TMC1: variants seen among roughly 807,000 people sequenced by gnomAD.
TMC1 encodes transmembrane channel like 1.
Under a neutral mutation model 105.8 loss-of-function variants are expected in TMC1, and 84 were observed. That is an observed-to-expected ratio of 0.79 (90% confidence interval 0.67 to 0.95). The LOEUF (loss-of-function observed/expected upper bound fraction) is 0.95, where lower values mean the gene tolerates loss of function less well. Ranked by LOEUF, TMC1 falls within the 40% of genes least tolerant of loss-of-function variation. The pLI is 0.00. For missense variants in TMC1, 817 were observed against 914.1 expected, an observed-to-expected ratio of 0.89 and a Z score of 1.37; for synonymous variants, 315 against 311.5, an observed-to-expected ratio of 1.01 and a Z score of -0.12.
At chr9:72,623,474 G>C (rs1342585535) in intron 3 of TMC1, among the ~76,000 whole-genome samples, 2 of 151,940 alleles carry the variant, frequency 1.3e-5, no homozygotes, top group Non-Finnish European at 2.9e-5. Flanking sequence ...CAGGTCAGTG[G>C]GGACATTAAT....
intron 4 of TMC1, among the ~76,000 whole-genome samples, chr9:72,640,310 G>A (rs1050639816): frequency 2.6e-5 from 4 of 152,166 alleles, no homozygotes; most frequent in African/African-American, 9.7e-5. Flanking sequence ...GTGATGTGGA[G>A]GATAAATTTT....
chr9:72,793,595 AC>A (rs1828313596), intron 17 of TMC1, among the ~76,000 whole-genome samples: 1 of 152,068 alleles, frequency 6.6e-6, no homozygotes, highest in African/African-American at 2.4e-5. Context: ...ACCACCTCCT[AC>A]AGGTGCGTTT....
intron 2 of TMC1, among the ~76,000 whole-genome samples, chr9:72,597,382 G>A (rs1478702604): frequency 6.6e-6 from 1 of 152,162 alleles, no homozygotes; most frequent in South Asian, 2.1e-4. Context: ...GAGTCACAGC[G>A]CCCTCTGACA....
At chr9:72,707,212 A>G (rs1826757095) in intron 8 of TMC1, among the ~76,000 whole-genome samples, 2 of 152,228 alleles carry the variant, frequency 1.3e-5, no homozygotes, top group South Asian at 2.1e-4. Flanking sequence ...TTCTGCTGCT[A>G]TAAACATGCA....
intron 4 of TMC1, among the ~76,000 whole-genome samples, chr9:72,628,927 A>T (rs1825400084): frequency 6.6e-6 from 1 of 152,236 alleles, no homozygotes; most frequent in African/African-American, 2.4e-5. Flanking sequence ...TATTGACTTG[A>T]TGATGCAAAG....
intron 6 of TMC1, among the ~76,000 whole-genome samples, chr9:72,689,106 G>A (rs950815886): frequency 6.6e-6 from 1 of 152,110 alleles, no homozygotes; most frequent in African/African-American, 2.4e-5. Flanking sequence ...TTTATGCTTA[G>A]GTTCAACAAA....
chr9:72,632,303 G>A (rs1211817256), intron 4 of TMC1, among the ~76,000 whole-genome samples: 1 of 152,144 alleles, frequency 6.6e-6, no homozygotes, highest in Non-Finnish European at 1.5e-5. Context: ...ACATTCATGA[G>A]GAATCTGACC....
chr9:72,677,163 C>G (rs1054912337), intron 5 of TMC1, among the ~76,000 whole-genome samples: 1 of 145,994 alleles, frequency 6.8e-6, no homozygotes, highest in Non-Finnish European at 1.5e-5. Flanking sequence ...CACACACACA[C>G]AGGAACTGGT....
At chr9:72,557,892 C>G (rs1310067211) in intron 1 of TMC1, among the ~76,000 whole-genome samples, 2 of 152,048 alleles carry the variant, frequency 1.3e-5, no homozygotes, top group Non-Finnish European at 2.9e-5. Flanking sequence ...TACCTGGAGC[C>G]CAAGTGGATG....
In TMC1 at chr9:72,776,225, T is replaced by C. The variant is rs1229798751; in HGVS notation, c.884+3670T>C. Among the ~76,000 whole-genome samples, 7 of 151,926 alleles carry C rather than the reference T, an allele frequency of 4.6e-5. No homozygotes were observed. The East Asian group carries it at 1.3e-3, about 29-fold the overall frequency. On this transcript the variant is annotated intron_variant, in intron 13 of 23. Transcript: ENST00000297784. Reference sequence around the variant, plus strand: ...AATGGTGTCAAAATTTTTGTCTACATAGACTATAATATAGATTATATATAT... The same window carrying C: ...AATGGTGTCAAAATTTTTGTCTACACAGACTATAATATAGATTATATATAT...
chr9:72,568,004 T>G (rs963979738), intron 1 of TMC1, among the ~76,000 whole-genome samples: 1 of 152,034 alleles, frequency 6.6e-6, no homozygotes, highest in Non-Finnish European at 1.5e-5. Context: ...GTACTGAATT[T>G]GGGACTGAAA....
intron 1 of TMC1, among the ~76,000 whole-genome samples, chr9:72,546,704 CT>C: frequency 6.6e-6 from 1 of 152,296 alleles, no homozygotes; most frequent in Non-Finnish European, 1.5e-5. Context: ...TTTTTCAAAG[CT>C]GTTTCTATCT....
At chr9:72,762,287 G>T (rs1180388228) in intron 12 of TMC1, among the ~76,000 whole-genome samples, 1 of 152,168 alleles carries the variant, frequency 6.6e-6, no homozygotes. Flanking sequence ...GTTGGGGTTT[G>T]TGTGACCTCA....
chr9:72,726,572 C>T (rs898206395), intron 8 of TMC1, among the ~76,000 whole-genome samples: 2 of 152,176 alleles, frequency 1.3e-5, no homozygotes, highest in African/African-American at 4.8e-5. Context: ...TTAGGACAGT[C>T]TTCCATGTCT....
At chr9:72,760,251 G>T (rs75830698) in intron 12 of TMC1, among the ~76,000 whole-genome samples, 1,668 of 152,066 alleles carry the variant, frequency 0.011, 27 homozygotes, top group African/African-American at 0.039. Flanking sequence ...TGAGTTCTTT[G>T]CTTGATCCTC....
chr9:72,532,210 C>A (rs1823508329), intron 1 of TMC1, among the ~76,000 whole-genome samples: 2 of 151,992 alleles, frequency 1.3e-5, no homozygotes, highest in Non-Finnish European at 2.9e-5. Flanking sequence ...GGTTTATAGG[C>A]ATTAGCCACC....
At chr9:72,541,385 T>C (rs1227680642) in intron 1 of TMC1, among the ~76,000 whole-genome samples, 1 of 152,162 alleles carries the variant, frequency 6.6e-6, no homozygotes, top group Non-Finnish European at 1.5e-5. Flanking sequence ...ATTGTTTGAA[T>C]AACTTAAAGA....
In TMC1 at chr9:72,838,099, G is replaced by A. The variant is rs1056262312; in HGVS notation, c.*2126G>A. The stretch of plus-strand genomic sequence containing the variant: ...AGTATAGTGCTGTGCACAAGTAGGC[G>A]CTGAATAAATGCTTGCTAATTAAAT... On this transcript the variant is annotated 3_prime_UTR_variant, in exon 24 of 24. Transcript: ENST00000297784. 1.9e-4 allele frequency: 29 copies of A among 152,314 alleles called. No homozygotes were observed. Among genetic ancestry groups the A allele is most frequent in the Middle Eastern group, 3.4e-3 (1 of 294 alleles). The allele number at this position is 152,314 out of a possible 1,614,324, so 9.4% of individuals were successfully genotyped here.
At chr9:72,798,841 G>GT (rs796377768) in intron 17 of TMC1, among the ~76,000 whole-genome samples, 26 of 150,612 alleles carry the variant, frequency 1.7e-4, no homozygotes, top group African/African-American at 5.1e-4. Flanking sequence ...TAAAATAAAA[G>GT]TTTTTTTTTA....
Sources: gnomAD v4.1 joint callset for allele counts (sites outside exome capture counted in the v4.1 genomes callset) on GRCh38, gnomAD v4.1.1 for gene constraint, MANE v1.5 for transcripts, NCBI Gene and HGNC (gene_info 2026-07-23, HGNC 2026-07-21) for gene names.